DLGAP2: variants seen among roughly 807,000 people sequenced by gnomAD.
DLGAP2 encodes disks large-associated protein 2.
DLGAP2 carries 26 observed loss-of-function variants against 100.3 expected under a neutral mutation model. The ratio of observed to expected loss-of-function variants is 0.26; its 90% CI spans 0.19 to 0.36. The LOEUF is 0.36. DLGAP2 is among the 10% of genes least tolerant of loss of function. The pLI is 1.00. For synonymous variants in DLGAP2, 886 were observed against 630.1 expected, an observed-to-expected ratio of 1.41 and a Z score of -6.08; for missense variants, 1,858 against 1,453.2, an observed-to-expected ratio of 1.28 and a Z score of -4.53.
At chr8:947,237 C>G (rs1446182282) in intron 2 of DLGAP2, among the ~76,000 whole-genome samples, 3 of 152,180 alleles carry the variant, frequency 2.0e-5, no homozygotes, top group African/African-American at 7.2e-5. Context: ...CTGCCCCACA[C>G]TCTCTACCAG....
At chr8:1,213,643 G>A (rs779891922) in intron 2 of DLGAP2, among the ~76,000 whole-genome samples, 20 of 152,236 alleles carry the variant, frequency 1.3e-4, no homozygotes, top group South Asian at 6.2e-4. Flanking sequence ...GGAGCTTCCC[G>A]TCTTTCTCTG....
rs867427950 is a variant in DLGAP2 at position 1,629,654 on chromosome 8, C to T, written c.1590+2767C>T. ...TCTTCTTTTAAAGCTATCACCTTCC[C>T]TTTCAGTGGATATAACCTAGTTTAC... On this transcript the variant is annotated intron_variant, in intron 7 of 14. Transcript: ENST00000637795. 2.8e-4 allele frequency among the ~76,000 whole-genome samples: 43 copies of T among 152,328 alleles called. No homozygotes were observed. In the Middle Eastern group the frequency reaches 0.02, roughly 72 times the overall value.
intron 6 of DLGAP2, among the ~76,000 whole-genome samples, chr8:1,588,415 A>T (rs944782946): frequency 6.6e-6 from 1 of 152,246 alleles, no homozygotes; most frequent in African/African-American, 2.4e-5. Flanking sequence ...TTTACTAAAC[A>T]GCTCATCTTA....
chr8:1,055,494 T>C (rs1044091973), intron 2 of DLGAP2, among the ~76,000 whole-genome samples: 6 of 152,352 alleles, frequency 3.9e-5, no homozygotes, highest in African/African-American at 1.2e-4. Context: ...AAAATATTTT[T>C]CTACTTAAAG....
At chr8:799,342 AGT>A (rs774030288) in intron 1 of DLGAP2, among the ~76,000 whole-genome samples, 10 of 151,430 alleles carry the variant, frequency 6.6e-5, no homozygotes, top group Non-Finnish European at 1.3e-4. Context: ...CAGAGGAGGG[AGT>A]GTGGCGGGAG....
chr8:1,633,927 A>AATTC (rs1427954244), intron 8 of DLGAP2, among the ~76,000 whole-genome samples: 2 of 152,234 alleles, frequency 1.3e-5, no homozygotes, highest in Admixed American at 6.5e-5. Flanking sequence ...AGCAAAGAGA[A>AATTC]ATTCAGGCAG....
intron 4 of DLGAP2, among the ~76,000 whole-genome samples, chr8:1,520,687 G>C (rs956874965): frequency 6.6e-6 from 1 of 152,140 alleles, no homozygotes; most frequent in Non-Finnish European, 1.5e-5. Context: ...GAGTGTGAAG[G>C]CTTTTTCATG....
intron 3 of DLGAP2, among the ~76,000 whole-genome samples, chr8:1,480,761 G>C: frequency 6.6e-6 from 1 of 152,020 alleles, no homozygotes; most frequent in East Asian, 1.9e-4. Flanking sequence ...AGCTGCTTGG[G>C]AGGCTGAGGC....
chr8:1,700,964 C>G (rs1012989416), intron 14 of DLGAP2, among the ~76,000 whole-genome samples: 3 of 152,216 alleles, frequency 2.0e-5, no homozygotes, highest in South Asian at 2.1e-4. Context: ...GCCTCTGCCC[C>G]CTTTGGAGAG....
intron 2 of DLGAP2, among the ~76,000 whole-genome samples, chr8:1,070,346 C>T (rs1048793032): frequency 3.9e-5 from 6 of 152,128 alleles, no homozygotes; most frequent in African/African-American, 9.7e-5. Context: ...TGGTGAGCAG[C>T]GGCTGACATG....
intron 2 of DLGAP2, among the ~76,000 whole-genome samples, chr8:1,200,362 G>A (rs1797844318): frequency 1.3e-5 from 2 of 152,212 alleles, no homozygotes; most frequent in African/African-American, 4.8e-5. Flanking sequence ...CATCTTCAGA[G>A]CTTGTTAAAA....
At chr8:1,255,040 C>G (rs1311468138) in intron 2 of DLGAP2, among the ~76,000 whole-genome samples, 906 of 61,122 alleles carry the variant, frequency 0.015, 31 homozygotes, top group East Asian at 0.036. Context: ...TCCTGCCCAG[C>G]CGCTGTGTGT....
intron 4 of DLGAP2, among the ~76,000 whole-genome samples, chr8:1,528,307 C>A (rs1800865067): frequency 6.6e-6 from 1 of 152,208 alleles, no homozygotes; most frequent in Non-Finnish European, 1.5e-5. Context: ...GGACCTGAGC[C>A]CACGAACACT....
intron 2 of DLGAP2, among the ~76,000 whole-genome samples, chr8:1,085,802 A>T (rs1375069591): frequency 6.6e-6 from 1 of 152,224 alleles, no homozygotes; most frequent in African/African-American, 2.4e-5. Flanking sequence ...TGTATCTACA[A>T]GGAATGACAT....
intron 2 of DLGAP2, among the ~76,000 whole-genome samples, chr8:1,203,320 C>T (rs1042040925): frequency 1.3e-5 from 2 of 150,692 alleles, no homozygotes; most frequent in Non-Finnish European, 3.0e-5. Context: ...CTGGCGTGTC[C>T]TTCGGTGACG....
At chr8:1,139,095 C>T (rs571473315) in intron 2 of DLGAP2, among the ~76,000 whole-genome samples, 9 of 152,334 alleles carry the variant, frequency 5.9e-5, no homozygotes, top group South Asian at 2.1e-4. Flanking sequence ...GGTGTTTCCT[C>T]GGGTGATGAC....
At chr8:1,518,164 A>T (rs1174369747) in intron 4 of DLGAP2, among the ~76,000 whole-genome samples, 9 of 152,076 alleles carry the variant, frequency 5.9e-5, no homozygotes, top group Non-Finnish European at 5.9e-5. Context: ...GTGTTATGTG[A>T]CTTGTCCGTA....
chr8:1,520,582 C>A (rs557222029), intron 4 of DLGAP2, among the ~76,000 whole-genome samples: 3 of 152,150 alleles, frequency 2.0e-5, no homozygotes, highest in Non-Finnish European at 4.4e-5. Flanking sequence ...CGTGCTCCCC[C>A]TATTCATCCC....
chr8:1,081,476 C>T (rs1221938320), intron 2 of DLGAP2, among the ~76,000 whole-genome samples: 1 of 152,150 alleles, frequency 6.6e-6, no homozygotes, highest in Admixed American at 6.5e-5. Context: ...CTCAGCCTCC[C>T]TAGTAGCTGG....
Sources: allele counts gnomAD v4.1 joint callset (sites outside exome capture counted in the v4.1 genomes callset), GRCh38; gene constraint gnomAD v4.1.1; transcripts MANE v1.5; gene names NCBI Gene and HGNC (gene_info 2026-07-23, HGNC 2026-07-21).